Variants in LRRC7 observed in about 807,000 individuals in gnomAD.
LRRC7 encodes the protein leucine-rich repeat-containing protein 7.
A neutral mutation model predicts 175.7 loss-of-function variants in LRRC7; 23 were observed. That is an observed-to-expected ratio of 0.13 (90% CI 0.09 to 0.19). The LOEUF (loss-of-function observed/expected upper bound fraction) is 0.19, where lower values mean the gene tolerates loss of function less well. Among genes scored for constraint, LRRC7 ranks in the 10% least tolerant of loss-of-function variants. The pLI is 1.00. For missense variants in LRRC7, 1,354 were observed against 1,904.7 expected (o/e 0.71, Z 5.38); for synonymous variants, 685 against 680.9 (o/e 1.01, Z -0.09).
intron 11 of LRRC7, among the ~76,000 whole-genome samples, chr1:70,005,531 T>C (rs17506411): frequency 0.07 from 10,621 of 152,298 alleles, 502 homozygotes; most frequent in Non-Finnish European, 0.1. Context: ...TAGAGAAAAC[T>C]GTACAGAATA....
At chr1:69,939,751 C>G (rs1648513283) in intron 8 of LRRC7, among the ~76,000 whole-genome samples, 1 of 152,126 alleles carries the variant, frequency 6.6e-6, no homozygotes, top group Admixed American at 6.6e-5. Flanking sequence ...CAGCTCCCAA[C>G]TGGTACTTGA....
At chr1:69,633,417 GTTAT>G (rs138749873) in intron 1 of LRRC7, among the ~76,000 whole-genome samples, 16 of 151,056 alleles carry the variant, frequency 1.1e-4, no homozygotes, top group Admixed American at 7.9e-4. Context: ...AATTTTTTTT[GTTAT>G]TTATTTATTT....
intron 26 of LRRC7, among the ~76,000 whole-genome samples, chr1:70,118,201 T>C (rs1185083368): frequency 6.6e-6 from 1 of 152,104 alleles, no homozygotes; most frequent in African/African-American, 2.4e-5. Flanking sequence ...GTTGTTTGAT[T>C]CCCCGTCTGA....
At chr1:69,589,146 G>C (rs867683135) in intron 1 of LRRC7, among the ~76,000 whole-genome samples, 5 of 148,024 alleles carry the variant, frequency 3.4e-5, no homozygotes, top group Non-Finnish European at 6.0e-5. Flanking sequence ...GTGTGTGTGT[G>C]TGTGTGTATG....
chr1:70,027,061 C>A (rs1307089176), intron 17 of LRRC7, among the ~76,000 whole-genome samples: 1 of 151,848 alleles, frequency 6.6e-6, no homozygotes, highest in Non-Finnish European at 1.5e-5. Context: ...TCCGATCTTC[C>A]TCTTCCTTTC....
In LRRC7 at chr1:69,652,611, G is replaced by A. The variant is rs1276197980; in HGVS notation, c.3-25770G>A. The stretch of plus-strand genomic sequence containing the variant: ...CAATGGCATTTTTAAAGTGAATTGT[G>A]TAATTGTTTTTTCAATTCTATAATT... On this transcript the variant is annotated intron_variant, in intron 1 of 26. Transcript: ENST00000651989. Among the ~76,000 whole-genome samples the A allele has an allele frequency of 3.3e-5, 5 of 151,858 alleles. No homozygotes were observed. In the East Asian group the frequency reaches 5.8e-4, roughly 18 times the overall value.
intron 1 of LRRC7, among the ~76,000 whole-genome samples, chr1:69,588,630 A>T (rs1646497126): frequency 2.0e-5 from 3 of 152,166 alleles, no homozygotes; most frequent in African/African-American, 7.2e-5. Context: ...AATTTTTGTA[A>T]GCCTTGTTTC....
intron 1 of LRRC7, among the ~76,000 whole-genome samples, chr1:69,673,922 A>G (rs1659442017): frequency 6.6e-6 from 1 of 152,126 alleles, no homozygotes; most frequent in Admixed American, 6.6e-5. Context: ...CAATAGCAAA[A>G]TGATAAGAAA....
At chr1:69,728,031 G>T (rs1667166405) in intron 2 of LRRC7, among the ~76,000 whole-genome samples, 3 of 152,006 alleles carry the variant, frequency 2.0e-5, no homozygotes, top group Non-Finnish European at 4.4e-5. Flanking sequence ...TCAATATCCA[G>T]CTGTCTCTGG....
At chr1:69,772,913 G>T (rs1414449806) in intron 3 of LRRC7, among the ~76,000 whole-genome samples, 3 of 152,180 alleles carry the variant, frequency 2.0e-5, no homozygotes, top group Admixed American at 6.6e-5. Context: ...TAAACTGAGA[G>T]ATTGGCTAAG....
chr1:69,771,143 T>C (rs1672196668), intron 3 of LRRC7, among the ~76,000 whole-genome samples: 1 of 152,162 alleles, frequency 6.6e-6, no homozygotes. Context: ...AAAGCATCTT[T>C]TTTTCCATAT....
intron 7 of LRRC7, among the ~76,000 whole-genome samples, chr1:69,926,460 AC>A (rs566594812): frequency 6.2e-4 from 86 of 138,926 alleles, no homozygotes; most frequent in African/African-American, 1.9e-3. Context: ...TTTGTAGGTC[AC>A]TAAGGACTTG....
intron 2 of LRRC7, among the ~76,000 whole-genome samples, chr1:69,682,035 T>A (rs1295202646): frequency 2.6e-5 from 4 of 152,112 alleles, no homozygotes; most frequent in Non-Finnish European, 5.9e-5. Flanking sequence ...ACTTCCAAAC[T>A]CATTTAGGCT....
chr1:69,627,097 G>A (rs1490991551), intron 1 of LRRC7, among the ~76,000 whole-genome samples: 3 of 152,138 alleles, frequency 2.0e-5, no homozygotes. Context: ...CCAGTAATGG[G>A]TTGGCTGGGT....
At chr1:69,737,668 T>A (rs1334754340) in intron 2 of LRRC7, among the ~76,000 whole-genome samples, 1 of 152,088 alleles carries the variant, frequency 6.6e-6, no homozygotes, top group African/African-American at 2.4e-5. Context: ...TTCTATGTAG[T>A]GGTCCCATGC....
At chr1:69,791,929 T>G in intron 3 of LRRC7, 114 bp from the exon 4 acceptor site, 1 of 648,222 alleles carries the variant, frequency 1.5e-6, no homozygotes, top group Non-Finnish European at 2.7e-6. Flanking sequence ...GAGGCTTTTA[T>G]AACTGGCTCT....
intron 10 of LRRC7, among the ~76,000 whole-genome samples, chr1:69,990,976 A>C (rs1654379455): frequency 2.0e-5 from 3 of 152,118 alleles, no homozygotes; most frequent in African/African-American, 2.4e-5. Context: ...GCAACACAGC[A>C]AGTTCCCAAT....
At chr1:69,833,499 C>T (rs773825723) in intron 5 of LRRC7, among the ~76,000 whole-genome samples, 4 of 151,728 alleles carry the variant, frequency 2.6e-5, no homozygotes, top group Admixed American at 6.6e-5. Flanking sequence ...TTCTTTTATA[C>T]GTATATGTAC....
chr1:69,764,730 C>CAGACAGATAGAT (rs1377304958), intron 3 of LRRC7, among the ~76,000 whole-genome samples: 9,921 of 140,246 alleles, frequency 0.071, 435 homozygotes, highest in East Asian at 0.15. Context: ...GATAGATAGA[C>CAGACAGATAGAT]AGATAGATAG....
Sources: allele counts gnomAD v4.1 joint callset (sites outside exome capture counted in the v4.1 genomes callset), GRCh38; gene constraint gnomAD v4.1.1; transcripts MANE v1.5; gene names NCBI Gene and HGNC (gene_info 2026-07-23, HGNC 2026-07-21).